Variants in LRBA observed in about 807,000 individuals in gnomAD.
LRBA encodes the protein lipopolysaccharide-responsive and beige-like anchor protein.
LRBA carries 176 observed loss-of-function variants against 330.0 expected under a neutral mutation model. The ratio of observed to expected loss-of-function variants is 0.53; its 90% CI spans 0.47 to 0.60. The LOEUF (loss-of-function observed/expected upper bound fraction) is 0.60. LRBA is among the 20% of genes least tolerant of loss of function. LRBA has a pLI of 0.00. For missense variants in LRBA, 3,259 were observed against 3,444.8 expected (o/e 0.95, Z 1.35); for synonymous variants, 1,230 against 1,193.0 (o/e 1.03, Z -0.64).
chr4:150,906,538 ACTG>A (rs1731362627), intron 11 of LRBA, 133 bp from the exon 12 acceptor site: 7 of 550,298 alleles, frequency 1.3e-5, no homozygotes, highest in Non-Finnish European at 2.3e-5. Context: ...CTCCACTAAA[ACTG>A]CTTCCAACAT....
At chr4:150,971,379 T>C (rs76836809) in intron 2 of LRBA, among the ~76,000 whole-genome samples, 11 of 152,186 alleles carry the variant, frequency 7.2e-5, no homozygotes, top group African/African-American at 1.4e-4. Context: ...AAGGTCATCA[T>C]GTAAGCCAGC....
At chr4:150,411,746 G>A (rs545501627) in intron 47 of LRBA, among the ~76,000 whole-genome samples, 2 of 152,148 alleles carry the variant, frequency 1.3e-5, no homozygotes, top group Middle Eastern at 3.2e-3. Context: ...TGCCTGACGG[G>A]CTGCAGGAAA....
At chr4:150,581,796 T>A (rs751527248) in intron 40 of LRBA, 4 of 152,666 alleles carry the variant, frequency 2.6e-5, no homozygotes, top group Admixed American at 6.5e-5. Flanking sequence ...TCGCCAAGCG[T>A]GCCTGTCTTC....
intron 52 of LRBA, among the ~76,000 whole-genome samples, chr4:150,304,608 C>A (rs1283997615): frequency 6.6e-6 from 1 of 151,490 alleles, no homozygotes; most frequent in Admixed American, 6.6e-5. Flanking sequence ...AAGTTGACAC[C>A]AAAACATTTC....
intron 53 of LRBA, among the ~76,000 whole-genome samples, chr4:150,300,962 T>C (rs1242665896): frequency 2.6e-5 from 4 of 152,010 alleles, no homozygotes; most frequent in Non-Finnish European, 5.9e-5. Flanking sequence ...CAAATATCTA[T>C]GTGTGTTCAG....
chr4:150,738,029 T>C (rs1731452568), intron 35 of LRBA, among the ~76,000 whole-genome samples: 1 of 148,330 alleles, frequency 6.7e-6, no homozygotes, highest in South Asian at 2.2e-4. Context: ...TTTCGCTCTG[T>C]CGCCCAGGCT....
intron 40 of LRBA, among the ~76,000 whole-genome samples, 181 bp downstream of exon 40, chr4:150,587,867 C>G (rs2126436375): frequency 6.6e-6 from 1 of 152,128 alleles, no homozygotes; most frequent in Non-Finnish European, 1.5e-5. Context: ...TCTAAATGAA[C>G]TTCAATAATC....
intron 56 of LRBA, among the ~76,000 whole-genome samples, chr4:150,269,504 C>T (rs974530292): frequency 6.6e-6 from 1 of 152,260 alleles, no homozygotes; most frequent in African/African-American, 2.4e-5. Context: ...AACCTAAATA[C>T]AAATTAAAAC....
At chr4:150,919,564 G>A (rs1052657481) in intron 5 of LRBA, among the ~76,000 whole-genome samples, 2 of 152,040 alleles carry the variant, frequency 1.3e-5, no homozygotes, top group African/African-American at 4.8e-5. Context: ...TGCATTAAAC[G>A]TTGCATTAAT....
chr4:150,838,667 C>A (rs1748556229), intron 28 of LRBA, among the ~76,000 whole-genome samples: 1 of 152,166 alleles, frequency 6.6e-6, no homozygotes, highest in Admixed American at 6.6e-5. Context: ...CTTCTCTACA[C>A]TGGTTATTCT....
chr4:150,860,796 A>G (rs1751817578), intron 22 of LRBA, among the ~76,000 whole-genome samples: 1 of 152,030 alleles, frequency 6.6e-6, no homozygotes, highest in Non-Finnish European at 1.5e-5. Flanking sequence ...CCACAGGGCG[A>G]CAGAGCGAGA....
At chr4:150,822,261 C>G (rs1354637230) in intron 30 of LRBA, among the ~76,000 whole-genome samples, 1 of 152,058 alleles carries the variant, frequency 6.6e-6, no homozygotes, top group African/African-American at 2.4e-5. Context: ...AGCATGATTT[C>G]CTAAATATGT....
At chr4:150,593,656 A>G (rs1297738371) in intron 38 of LRBA, among the ~76,000 whole-genome samples, 1 of 152,184 alleles carries the variant, frequency 6.6e-6, no homozygotes, top group Non-Finnish European at 1.5e-5. Context: ...ATAATAATCA[A>G]GAACAAAAAA....
chr4:150,492,294 C>G (rs76569321), intron 40 of LRBA, among the ~76,000 whole-genome samples: 1 of 151,658 alleles, frequency 6.6e-6, no homozygotes, highest in African/African-American at 2.4e-5. Flanking sequence ...GGGTATAACT[C>G]TAAGGGAGAG....
At chr4:150,837,807 G>T (rs1205100787) in intron 28 of LRBA, among the ~76,000 whole-genome samples, 1 of 152,128 alleles carries the variant, frequency 6.6e-6, no homozygotes, top group African/African-American at 2.4e-5. Flanking sequence ...AGTTAATATT[G>T]TTATGTGTGA....
intron 44 of LRBA, among the ~76,000 whole-genome samples, chr4:150,460,156 TA>T (rs1223846213): frequency 6.6e-6 from 1 of 151,790 alleles, no homozygotes; most frequent in Non-Finnish European, 1.5e-5. Flanking sequence ...AAACAGCACT[TA>T]AAACTTAAAG....
intron 38 of LRBA, among the ~76,000 whole-genome samples, chr4:150,592,163 TTTTTTTTG>T (rs1772958203): frequency 6.9e-6 from 1 of 144,692 alleles, no homozygotes; most frequent in African/African-American, 2.6e-5. Flanking sequence ...TTTTTTTTTT[TTTTTTTTG>T]CTCCACTGCA....
chr4:150,570,100 AAAG>A (rs1164260425), intron 40 of LRBA, among the ~76,000 whole-genome samples: 1 of 152,184 alleles, frequency 6.6e-6, no homozygotes, highest in African/African-American at 2.4e-5. Flanking sequence ...CAAGAAGGTT[AAAG>A]AACAGATGGA....
At chr4:150,623,284 C>T (rs530834835) in intron 37 of LRBA, among the ~76,000 whole-genome samples, 1 of 152,298 alleles carries the variant, frequency 6.6e-6, no homozygotes, top group South Asian at 2.1e-4. Flanking sequence ...GACTTCACTT[C>T]TAGGTATGTA....
Sources: allele counts gnomAD v4.1 joint callset (sites outside exome capture counted in the v4.1 genomes callset), GRCh38; gene constraint gnomAD v4.1.1; transcripts MANE v1.5; gene names NCBI Gene and HGNC (gene_info 2026-07-23, HGNC 2026-07-21).